Variants in RPL28 observed in about 807,000 individuals in gnomAD.
RPL28 encodes large ribosomal subunit protein eL28.
In RPL28, 4 loss-of-function variants were observed where a neutral mutation model predicts 12.5. That is an observed-to-expected ratio of 0.32 (90% CI 0.16 to 0.73). RPL28 has a LOEUF of 0.73. Ranked by LOEUF, RPL28 falls within the 30% of genes least tolerant of loss-of-function variation. RPL28 has a pLI of 0.66. For synonymous variants in RPL28, 91 were observed against 72.5 expected, an observed-to-expected ratio of 1.26 and a Z score of -1.30; for missense variants, 214 against 197.7, an observed-to-expected ratio of 1.08 and a Z score of -0.49.
chr19:55,396,833 G>A (rs1057280100), downstream of RPL28, among the ~76,000 whole-genome samples: 15 of 151,454 alleles, frequency 9.9e-5, no homozygotes, highest in Non-Finnish European at 2.1e-4. Flanking sequence ...GCCCGCCTTG[G>A]CCTCCCAAAG....
chr19:55,386,729 C>G (rs773199835), intron 3 of RPL28, 36 bp downstream of exon 3: 3 of 1,612,522 alleles, frequency 1.9e-6, no homozygotes, highest in South Asian at 2.2e-5. Context: ...AGAGCGGCCC[C>G]TTTCCCGGGT....
chr19:55,397,509 A>G (rs1308277907), intron 4 of RPL28, among the ~76,000 whole-genome samples: 1 of 152,056 alleles, frequency 6.6e-6, no homozygotes, highest in African/African-American at 2.4e-5. Flanking sequence ...CCTCCTGAGT[A>G]GCTGGGACTA....
Position 55,391,456 on chromosome 19 carries a change from C to A in RPL28, c.*3124C>A. On this transcript the variant is annotated 3_prime_UTR_variant, in exon 5 of 5. Transcript: ENST00000344063. ...CATGGTGAGTGAGCGTAGGGCGCAC[C>A]CTGGAAGGCTGCCAAGCCCAAAGTT... is the stretch of plus-strand genomic sequence containing the variant. 7.3e-7 allele frequency: 1 copy of A among 1,361,560 alleles called. No homozygotes were observed. Among genetic ancestry groups the A allele is most frequent in the Non-Finnish European group, 9.5e-7 (1 of 1,047,996 alleles). The allele number at this position is 1,361,560 out of a possible 1,614,324, so 84.3% of individuals were successfully genotyped here.
chr19:55,393,217 G>T (rs1476689174), downstream of RPL28, among the ~76,000 whole-genome samples: 1 of 148,398 alleles, frequency 6.7e-6, no homozygotes, highest in Admixed American at 6.8e-5. Context: ...TGATAAATGA[G>T]ACCTGTCATC....
chr19:55,387,311 G>A (rs1199258667), intron 3 of RPL28: 2 of 1,551,690 alleles, frequency 1.3e-6, no homozygotes, highest in Non-Finnish European at 1.7e-6. Context: ...GTCCTTGATT[G>A]GAACTGCCTC....
At position 55,388,421 on chromosome 19, in the gene RPL28, G is replaced by A. The variant is rs866462173; in HGVS notation, c.*89G>A. On this transcript the variant is annotated 3_prime_UTR_variant, in exon 5 of 5. Transcript: ENST00000344063. ...TTTTGAAACGCTCTGGGGAGCTCTGGCCCTGTGTGTTGTCATTCAGGCCAT... is the reference window on the plus strand; with the variant it reads ...TTTTGAAACGCTCTGGGGAGCTCTGACCCTGTGTGTTGTCATTCAGGCCAT... The A allele has an allele frequency of 1.4e-5, 19 of 1,390,736 alleles. No individual in the cohort carries two copies. Among genetic ancestry groups the A allele is most frequent in the Non-Finnish European group, 1.6e-5 (17 of 1,068,038 alleles). 86.1% of individuals were successfully genotyped at this position (1,390,736 alleles called of 1,614,324 possible). A position where few individuals can be genotyped will look rare whatever the true frequency, so the allele number is the denominator to read the frequency against.
At chr19:55,392,092 A>G (rs1286987272), downstream of RPL28, 16 of 998,418 alleles carry the variant, frequency 1.6e-5, no homozygotes, top group Non-Finnish European at 1.7e-5. Context: ...AAAATCTTTC[A>G]TTATGAAATA....
At position 55,391,577 on chromosome 19, in the gene RPL28, A is replaced by C; in HGVS notation, c.*3245A>C. 1 of 1,545,506 alleles carries C rather than the reference A, an allele frequency of 6.5e-7. No individual in the cohort carries two copies. The highest frequency in any genetic ancestry group is 1.2e-5 in the South Asian group (1 of 83,840). On this transcript the variant is annotated 3_prime_UTR_variant, in exon 5 of 5. Coordinates refer to ENST00000344063, the MANE Select transcript of RPL28 (RefSeq NM_000991.5). Reference sequence around the variant, plus strand: ...AGGACATGCTGGCATCTACTGGGTCAGGGCTCTGCTGCTCGGTGGCTGTGC... The same window carrying C: ...AGGACATGCTGGCATCTACTGGGTCCGGGCTCTGCTGCTCGGTGGCTGTGC...
Position 55,387,407 on chromosome 19 carries a change from G to A in RPL28, c.206-523G>A, listed in dbSNP as rs183190803. 3.2e-6 allele frequency: 5 copies of A among 1,547,304 alleles called. No individual in the cohort carries two copies. The African/African-American group carries it at 6.9e-5, about 21-fold the overall frequency. ...TCCTGTCTCAGGGACACGTAGTCCA[G>A]GGAGCAGCCAATTGCTTGGCACTTG... On this transcript the variant is annotated intron_variant, in intron 3 of 4. Coordinates refer to ENST00000344063, the MANE Select transcript of RPL28 (RefSeq NM_000991.5).
At chr19:55,393,447 G>C (rs955600865), downstream of RPL28, among the ~76,000 whole-genome samples, 1 of 151,988 alleles carries the variant, frequency 6.6e-6, no homozygotes, top group South Asian at 2.1e-4. Context: ...TATAATTCAC[G>C]TAACATAAAG....
rs536390323 is a variant in RPL28, at chr19:55,389,263, G to A, written c.*931G>A. 25 of 917,758 alleles carry A rather than the reference G, an allele frequency of 2.7e-5. No homozygotes were observed. The highest frequency in any genetic ancestry group is 3.3e-5 in the Non-Finnish European group (25 of 768,278). 56.9% of individuals were successfully genotyped at this position (917,758 alleles called of 1,614,324 possible). On this transcript the variant is annotated 3_prime_UTR_variant, in exon 5 of 5. Transcript: ENST00000344063. ...TCCTCAGAGGTTGAGTAGAGGCTGA[G>A]GTGAGCGGAGCACTTGAGCCAAGAG... is the stretch of plus-strand genomic sequence containing the variant.
chr19:55,395,595 C>T (rs921908177), downstream of RPL28, among the ~76,000 whole-genome samples: 2 of 151,990 alleles, frequency 1.3e-5, no homozygotes, highest in Non-Finnish European at 2.9e-5. Context: ...AGGCGCCCAC[C>T]ACCACACCCG....
At chr19:55,402,424 C>T (rs760942829) in intron 4 of RPL28, among the ~76,000 whole-genome samples, 2 of 152,200 alleles carry the variant, frequency 1.3e-5, no homozygotes, top group African/African-American at 2.4e-5. Context: ...TTCCTCTCAA[C>T]CCCCTTCACA....
intron 4 of RPL28, chr19:55,401,672 C>T (rs374167114): frequency 1.2e-6 from 2 of 1,612,342 alleles, no homozygotes; most frequent in African/African-American, 1.3e-5. Context: ...GCCCGAGCCG[C>T]ATACTCCTCG....
At chr19:55,387,738 A>G in intron 3 of RPL28, 192 bp from the exon 4 acceptor site, 1 of 1,442,250 alleles carries the variant, frequency 6.9e-7, no homozygotes, top group East Asian at 2.5e-5. Flanking sequence ...CTGTGTCCTC[A>G]GTACTCCGTG....
intron 4 of RPL28, 76 bp from the exon 5 acceptor site, chr19:55,388,167 C>A: frequency 6.5e-7 from 1 of 1,545,476 alleles, no homozygotes; most frequent in East Asian, 2.3e-5. Flanking sequence ...CAGCCTACTC[C>A]CCACACCCAG....
intron 4 of RPL28, chr19:55,400,142 G>T (rs2090046427): frequency 6.6e-6 from 1 of 152,180 alleles, no homozygotes; most frequent in Non-Finnish European, 1.5e-5. Flanking sequence ...AGCAGCCTTT[G>T]AGTTTTCCAC....
chr19:55,401,081 CA>C (rs1390326890), intron 4 of RPL28: 1 of 284,476 alleles, frequency 3.5e-6, no homozygotes, highest in Non-Finnish European at 6.6e-6. Flanking sequence ...AATCTGACTC[CA>C]AAGAGGGGTT....
chr19:55,391,655 C>T lies in RPL28; in HGVS notation c.*3323C>T. 6.5e-7 allele frequency: 1 copy of T among 1,545,152 alleles called. No homozygotes were observed. Among genetic ancestry groups the T allele is most frequent in the Middle Eastern group, 1.7e-4 (1 of 5,978 alleles). On this transcript the variant is annotated 3_prime_UTR_variant, in exon 5 of 5. Coordinates refer to ENST00000344063, the MANE Select transcript of RPL28 (RefSeq NM_000991.5). The stretch of plus-strand genomic sequence containing the variant: ...TGTGTCTTCGTACCCTCATCTGTAA[C>T]ATGCGTGTCGATAGACCCTACTACT...
Sources: gnomAD v4.1 joint callset for allele counts (sites outside exome capture counted in the v4.1 genomes callset) on GRCh38, gnomAD v4.1.1 for gene constraint, MANE v1.5 for transcripts, NCBI Gene and HGNC (gene_info 2026-07-23, HGNC 2026-07-21) for gene names.